The following MICU1 variants were observed in gnomAD, a reference collection of about 807,000 sequenced individuals.
The protein encoded by MICU1 is calcium uptake protein 1, mitochondrial.
Under a neutral mutation model 56.8 loss-of-function variants are expected in MICU1, and 45 were observed. The observed-to-expected ratio is 0.79, with a 90% CI of 0.62 to 1.02. The LOEUF is 1.02. Among genes scored for constraint, MICU1 ranks in the 50% least tolerant of loss-of-function variants. The pLI, the probability that MICU1 is intolerant of heterozygous loss-of-function variation, is 0.00. For synonymous variants in MICU1, 186 were observed against 195.1 expected (o/e 0.95, Z 0.39); for missense variants, 504 against 587.1 (o/e 0.86, Z 1.46).
At chr10:72,600,118 C>T (rs975484380) in intron 1 of MICU1, among the ~76,000 whole-genome samples, 3 of 151,306 alleles carry the variant, frequency 2.0e-5, no homozygotes, top group African/African-American at 7.3e-5. Flanking sequence ...ATGGTGAAAC[C>T]CCGTCTCTAC....
intron 6 of MICU1, among the ~76,000 whole-genome samples, chr10:72,486,516 G>A (rs1171423893): frequency 1.3e-5 from 2 of 152,176 alleles, no homozygotes; most frequent in African/African-American, 4.8e-5. Context: ...CTGTCGCCCA[G>A]GCTGGAGTGC....
chr10:72,539,910 T>C (rs1489952238), intron 4 of MICU1, among the ~76,000 whole-genome samples: 1 of 152,222 alleles, frequency 6.6e-6, no homozygotes, highest in African/African-American at 2.4e-5. Context: ...TTTGGCAACG[T>C]CTACCAAATG....
chr10:72,614,743 T>C (rs1417272872), intron 1 of MICU1, among the ~76,000 whole-genome samples: 4 of 152,212 alleles, frequency 2.6e-5, no homozygotes, highest in Non-Finnish European at 5.9e-5. Context: ...AGTAGAATGA[T>C]GGATGCCAGA....
intron 4 of MICU1, among the ~76,000 whole-genome samples, chr10:72,539,723 G>A (rs1391807588): frequency 6.6e-6 from 1 of 152,000 alleles, no homozygotes; most frequent in African/African-American, 2.4e-5. Context: ...TAGGAGGAAG[G>A]AAATAATAAA....
At chr10:72,539,730 T>C (rs1839722386) in intron 4 of MICU1, among the ~76,000 whole-genome samples, 1 of 151,870 alleles carries the variant, frequency 6.6e-6, no homozygotes, top group Non-Finnish European at 1.5e-5. Context: ...AAGGAAATAA[T>C]AAAGATCAAG....
intron 6 of MICU1, among the ~76,000 whole-genome samples, chr10:72,477,903 C>G (rs1336937782): frequency 6.8e-6 from 1 of 147,266 alleles, no homozygotes; most frequent in Admixed American, 6.8e-5. Flanking sequence ...CAGTTTCACT[C>G]TGTTGCCCAA....
intron 1 of MICU1, among the ~76,000 whole-genome samples, chr10:72,572,713 G>T (rs1840641668): frequency 6.6e-6 from 1 of 151,948 alleles, no homozygotes; most frequent in African/African-American, 2.4e-5. Flanking sequence ...ACTGTGAAAA[G>T]ATACTTAATC....
intron 8 of MICU1, among the ~76,000 whole-genome samples, chr10:72,429,066 A>G (rs975729403): frequency 1.3e-5 from 2 of 152,204 alleles, no homozygotes; most frequent in East Asian, 3.8e-4. Flanking sequence ...GTGTTGTTGT[A>G]AAGATTAAAT....
chr10:72,429,330 G>A (rs1864448994), intron 8 of MICU1, among the ~76,000 whole-genome samples: 1 of 148,764 alleles, frequency 6.7e-6, no homozygotes, highest in Non-Finnish European at 1.5e-5. Context: ...TGAGGCAAGG[G>A]AATCAGTTGA....
chr10:72,515,369 C>T (rs1276485194), intron 5 of MICU1, among the ~76,000 whole-genome samples: 1 of 152,112 alleles, frequency 6.6e-6, no homozygotes, highest in African/African-American at 2.4e-5. Context: ...TGGAGTTCCC[C>T]GCTGTGTCAT....
intron 1 of MICU1, among the ~76,000 whole-genome samples, chr10:72,588,403 AC>A (rs1305666309): frequency 6.6e-6 from 1 of 152,132 alleles, no homozygotes; most frequent in Non-Finnish European, 1.5e-5. Context: ...AGGAAAAAAA[AC>A]AACTTACATT....
chr10:72,561,723 A>G (rs1294848348), intron 3 of MICU1, among the ~76,000 whole-genome samples: 1 of 152,222 alleles, frequency 6.6e-6, no homozygotes, highest in African/African-American at 2.4e-5. Context: ...AGGCAGGAGA[A>G]TCGCTTGAAC....
At chr10:72,569,231 A>ATTTTTTTTTTTTTTTTT (rs1156509426) in intron 1 of MICU1, among the ~76,000 whole-genome samples, 1 of 39,540 alleles carries the variant, frequency 2.5e-5, no homozygotes, top group Admixed American at 2.5e-4. Context: ...ATATATATAT[A>ATTTTTTTTTTTTTTTTT]TATATATTTT....
intron 1 of MICU1, among the ~76,000 whole-genome samples, chr10:72,611,376 C>A (rs1272214312): frequency 6.6e-6 from 1 of 151,802 alleles, no homozygotes; most frequent in Non-Finnish European, 1.5e-5. Flanking sequence ...CTTTGGGAGG[C>A]CGAGGCGGGC....
At chr10:72,524,976 TA>T (rs1470970486) in intron 5 of MICU1, among the ~76,000 whole-genome samples, 2 of 152,202 alleles carry the variant, frequency 1.3e-5, no homozygotes, top group East Asian at 3.8e-4. Flanking sequence ...CTATATATAA[TA>T]TTTTTTTAAC....
chr10:72,430,593 CT>C (rs1470314188), intron 8 of MICU1, among the ~76,000 whole-genome samples: 1 of 152,210 alleles, frequency 6.6e-6, no homozygotes, highest in African/African-American at 2.4e-5. Flanking sequence ...TAGGGTCTCG[CT>C]CTGTTGCCCA....
At chr10:72,598,797 G>A (rs952273022) in intron 1 of MICU1, among the ~76,000 whole-genome samples, 1 of 151,724 alleles carries the variant, frequency 6.6e-6, no homozygotes, top group Non-Finnish European at 1.5e-5. Context: ...CTAAATATTA[G>A]GGTCTGGAAA....
intron 8 of MICU1, among the ~76,000 whole-genome samples, chr10:72,448,915 C>A (rs543265442): frequency 6.6e-6 from 1 of 152,134 alleles, no homozygotes; most frequent in East Asian, 1.9e-4. Flanking sequence ...CCTTGCTAGA[C>A]AATTAAGCTT....
intron 3 of MICU1, among the ~76,000 whole-genome samples, chr10:72,553,312 C>A (rs1840082422): frequency 6.6e-6 from 1 of 150,736 alleles, no homozygotes; most frequent in African/African-American, 2.4e-5. Flanking sequence ...TGGCTCACTG[C>A]AAGCTCTACC....
Sources: gnomAD v4.1 joint callset for allele counts (sites outside exome capture counted in the v4.1 genomes callset) on GRCh38, gnomAD v4.1.1 for gene constraint, MANE v1.5 for transcripts, NCBI Gene and HGNC (gene_info 2026-07-23, HGNC 2026-07-21) for gene names.